RP1L1: variants seen among roughly 807,000 people sequenced by gnomAD.
RP1L1 encodes the protein RP1 like 1.
A neutral mutation model predicts 15.7 loss-of-function variants in RP1L1; 27 were observed. The observed-to-expected ratio is 1.72, with a 90% confidence interval of 1.27 to 2.38. RP1L1 has a LOEUF of 2.38. RP1L1 is among the 30% of genes most tolerant of loss of function. The pLI is 0.00. For synonymous variants in RP1L1, 1,813 were observed against 1,276.7 expected (o/e 1.42, Z -8.96); for missense variants, 4,798 against 3,075.9 (o/e 1.56, Z -13.24).
In RP1L1 at chr8:10,613,143, C is replaced by T. The variant is rs766702464; in HGVS notation, c.955G>A (p.Gly319Ser). 1.6e-5 allele frequency: 26 copies of T among 1,613,748 alleles called. No homozygotes were observed. The highest frequency in any genetic ancestry group is 6.7e-5 in the Admixed American group (4 of 60,014). The change falls in exon 4 of 4, where the codon GGC becomes AGC. Residue 319 changes from glycine to serine, a missense_variant. By Grantham distance (56) the Gly-to-Ser change is moderately conservative (BLOSUM62 0). Coordinates refer to ENST00000382483, the MANE Select transcript of RP1L1 (RefSeq NM_178857.6). ...ACTTTCATCTCCACGGACAGGCTGCCGTCCTCATTCATGCGGACCTTCTTC... is the reference window on the plus strand; with the variant it reads ...ACTTTCATCTCCACGGACAGGCTGCTGTCCTCATTCATGCGGACCTTCTTC... ...MKKKVRMNED[G>S]SLSVEMKVRF...
Position 10,606,803 on chromosome 8 carries a change from T to A in RP1L1, c.*92A>T, listed in dbSNP as rs993260517. The A allele has an allele frequency of 6.3e-7, 1 of 1,593,036 alleles. No homozygotes were observed. The highest frequency in any genetic ancestry group is 2.2e-5 in the East Asian group (1 of 44,756). ...TCTTTGTCCATGTACTATGGACATCTCCAGTGGACTGAACGTTGCTCAGTT... is the reference window on the plus strand; with the variant it reads ...TCTTTGTCCATGTACTATGGACATCACCAGTGGACTGAACGTTGCTCAGTT... On this transcript the variant is annotated 3_prime_UTR_variant, in exon 4 of 4. Transcript: ENST00000382483.
chr8:10,631,361 A>G (rs1221477197), intron 1 of RP1L1, among the ~76,000 whole-genome samples: 32 of 36,322 alleles, frequency 8.8e-4, no homozygotes, highest in Middle Eastern at 0.019. Flanking sequence ...ACATGCACAC[A>G]AACACACATG....
Position 10,609,710 on chromosome 8 carries a change from C to T in RP1L1, c.4388G>A (p.Ser1463Asn). 1 of 1,613,240 alleles carries T rather than the reference C, an allele frequency of 6.2e-7. No homozygotes were observed. The highest frequency in any genetic ancestry group is 8.5e-7 in the Non-Finnish European group (1 of 1,179,692). Reference protein sequence around the residue: ...PPSHLSETDPSASERQSGSQL... With the variant: ...PPSHLSETDPNASERQSGSQL... ...GGAGCCACTCTGCCTCTCGCTGGCACTTGGGTCCGTCTCGCTGAGATGACT... is the reference window on the plus strand; with the variant it reads ...GGAGCCACTCTGCCTCTCGCTGGCATTTGGGTCCGTCTCGCTGAGATGACT... The change falls in exon 4 of 4, where the codon AGT becomes AAT. Residue 1463 changes from serine to asparagine, a missense_variant. Physicochemically the swap from Ser to Asn is conservative, Grantham distance 46 (BLOSUM62 1). Coordinates refer to ENST00000382483, the MANE Select transcript of RP1L1 (RefSeq NM_178857.6).
intron 2 of RP1L1, among the ~76,000 whole-genome samples, chr8:10,617,399 C>CAAAAAAAAAAAAAA (rs369885056): frequency 2.4e-5 from 2 of 83,000 alleles, no homozygotes; most frequent in Non-Finnish European, 5.0e-5. Context: ...TGCTCATTAA[C>CAAAAAAAAAAAAAA]AAAAAAAAAA....
Position 10,623,211 on chromosome 8 carries a change from G to A in RP1L1, c.-10C>T, listed in dbSNP as rs537133524. 6 of 1,537,364 alleles carry A rather than the reference G, an allele frequency of 3.9e-6. No individual in the cohort carries two copies. In the African/African-American group the frequency reaches 4.1e-5, roughly 11 times the overall value. ...TGGGGGTGCTGTTCATGGTGTGGGGGCTCTGGCCGCTGTAACAGGGCAGAG... is the reference window on the plus strand; with the variant it reads ...TGGGGGTGCTGTTCATGGTGTGGGGACTCTGGCCGCTGTAACAGGGCAGAG... On this transcript the variant is annotated 5_prime_UTR_variant, in exon 2 of 4. Coordinates refer to ENST00000382483, the MANE Select transcript of RP1L1 (RefSeq NM_178857.6).
chr8:10,645,846 C>T (rs1016635947), intron 1 of RP1L1, among the ~76,000 whole-genome samples: 7 of 151,904 alleles, frequency 4.6e-5, no homozygotes, highest in Admixed American at 3.9e-4. Context: ...AACCCTGCAC[C>T]AGGCTCCACA....
intron 3 of RP1L1, among the ~76,000 whole-genome samples, chr8:10,615,968 G>A (rs749249034): frequency 1.3e-5 from 2 of 151,974 alleles, no homozygotes; most frequent in Non-Finnish European, 2.9e-5. Context: ...GAAGTGGTGC[G>A]ATCACGGCTC....
Position 10,613,174 on chromosome 8 carries a change from G to T in RP1L1, c.924C>A (p.Asp308Glu), listed in dbSNP as rs769476032. 6.2e-7 allele frequency: 1 copy of T among 1,613,688 alleles called. No homozygotes were observed. The highest frequency in any genetic ancestry group is 1.7e-5 in the Admixed American group (1 of 60,028). ...AQSGPLVAGD[D>E]MKKKVRMNED... ...CATTCATGCGGACCTTCTTCTTCAT[G>T]TCATCGCCAGCCACCAGCGGGCCCG... Residue 308 changes from aspartate (D) to glutamate (E), a missense_variant, in exon 4 of 4, where the codon GAC becomes GAA. By Grantham distance (45) the Asp-to-Glu change is conservative (BLOSUM62 2). Transcript: ENST00000382483.
In RP1L1 at chr8:10,623,133, G is replaced by A. The variant is rs544843021; in HGVS notation, c.69C>T (p.Arg23=). The A allele has an allele frequency of 2.2e-5, 35 of 1,608,966 alleles. No homozygotes were observed. The East Asian group carries it at 3.3e-4, about 15-fold the overall frequency. The change falls in exon 2 of 4, where the codon CGC becomes CGT. Residue 23 remains arginine, a synonymous_variant. Transcript: ENST00000382483. ...HRECFLPSVA[R]TPSVTKVTPA... ...GCGTGACCTTGGTGACCGAGGGGGT[G>A]CGAGCCACAGAGGGCAGGAAGCACT... is the stretch of plus-strand genomic sequence containing the variant.
rs755119956 is a variant in RP1L1 at position 10,607,269 on chromosome 8, G to A, written c.6829C>T (p.Pro2277Ser). 4.3e-5 allele frequency: 70 copies of A among 1,614,098 alleles called. No homozygotes were observed. Among genetic ancestry groups the A allele is most frequent in the Non-Finnish European group, 5.9e-5 (70 of 1,180,042 alleles). ...ESSSPVPEDR[P>S]TPPPSPGGDT... ...CCACCTGGGGAAGGGGGTGGAGTGG[G>A]CCTGTCCTCAGGGACTGGGCTGCTG... Residue 2277 changes from proline to serine, a missense_variant, in exon 4 of 4, where the codon CCC (proline) becomes TCC (serine). Transcript: ENST00000382483.
intron 1 of RP1L1, among the ~76,000 whole-genome samples, chr8:10,635,371 C>T (rs1305845737): frequency 6.6e-6 from 1 of 152,236 alleles, no homozygotes; most frequent in Non-Finnish European, 1.5e-5. Context: ...CTTCACCCTA[C>T]CATGCCGGGT....
Position 10,612,337 on chromosome 8 carries a change from G to A in RP1L1, c.1761C>T (p.Asp587=), listed in dbSNP as rs764749005. Residue 587 remains aspartate (D), a synonymous_variant, in exon 4 of 4, where the codon GAC becomes GAT. Coordinates refer to ENST00000382483, the MANE Select transcript of RP1L1 (RefSeq NM_178857.6). ...GTCCTTGCGTCTCTGCCTGCAGGTC[G>A]TCACTCCTTAAAGATGAAAGACTCA... The part of the protein sequence containing the change: ...PALSLSSLRS[D]DLQAETQGQG... 25 of 1,613,014 alleles carry A rather than the reference G, an allele frequency of 1.5e-5. No individual in the cohort carries two copies. Among genetic ancestry groups the A allele is most frequent in the Middle Eastern group, 1.6e-4 (1 of 6,084 alleles).
chr8:10,640,902 C>A (rs1240495445), intron 1 of RP1L1, among the ~76,000 whole-genome samples: 1 of 152,014 alleles, frequency 6.6e-6, no homozygotes, highest in African/African-American at 2.4e-5. Flanking sequence ...TGCTGAATAA[C>A]TGGGACTATA....
Position 10,608,499 on chromosome 8 carries a change from C to T in RP1L1, c.5599G>A (p.Ala1867Thr), listed in dbSNP as rs1388614502. The T allele has an allele frequency of 7.6e-7, 1 of 1,312,754 alleles. No homozygotes were observed. The highest frequency in any genetic ancestry group is 1.1e-6 in the Non-Finnish European group (1 of 928,302). 81.3% of individuals were successfully genotyped at this position (1,312,754 alleles called of 1,614,324 possible). A position where few individuals can be genotyped will look rare whatever the true frequency, so the allele number is the denominator to read the frequency against. Residue 1867 changes from alanine to threonine, a missense_variant, in exon 4 of 4, where the codon GCC becomes ACC. Physicochemically the swap from Ala to Thr is moderately conservative, Grantham distance 58. Coordinates refer to ENST00000382483, the MANE Select transcript of RP1L1 (RefSeq NM_178857.6). ...TCTACATCTTCTGACTCTGGCTGGG[C>T]CTCCCCTTCAGCCTCCTGGGCATCC... ...EGDAQEAEGEAQPESEDVEAP... is the reference protein window; with the variant it reads ...EGDAQEAEGETQPESEDVEAP...
Position 10,612,328 on chromosome 8 carries a change from C to T in RP1L1, c.1770G>A (p.Gln590=), listed in dbSNP as rs1199361578. 4 of 1,613,260 alleles carry T rather than the reference C, an allele frequency of 2.5e-6. No homozygotes were observed. Among genetic ancestry groups the T allele is most frequent in the Non-Finnish European group, 3.4e-6 (4 of 1,180,038 alleles). Residue 590 remains glutamine, a synonymous_variant, in exon 4 of 4, where the codon CAG becomes CAA. Coordinates refer to ENST00000382483, the MANE Select transcript of RP1L1 (RefSeq NM_178857.6). ...CGGTGCCCTGTCCTTGCGTCTCTGC[C>T]TGCAGGTCGTCACTCCTTAAAGATG... ...SLSSLRSDDL[Q]AETQGQGTEQ... is the part of the protein sequence containing the mutation.
intron 1 of RP1L1, among the ~76,000 whole-genome samples, chr8:10,635,905 G>A (rs952523035): frequency 1.3e-5 from 2 of 152,246 alleles, no homozygotes; most frequent in African/African-American, 2.4e-5. Context: ...GATCCCCCGG[G>A]TCAGTCTATA....
At chr8:10,648,346 T>TTTTG (rs779199024) in intron 1 of RP1L1, among the ~76,000 whole-genome samples, 7 of 152,068 alleles carry the variant, frequency 4.6e-5, no homozygotes, top group Non-Finnish European at 8.8e-5. Context: ...TTCTGGGTTT[T>TTTTG]TTTGTTTGTT....
At chr8:10,637,852 T>A (rs564035961) in intron 1 of RP1L1, among the ~76,000 whole-genome samples, 3 of 152,140 alleles carry the variant, frequency 2.0e-5, no homozygotes, top group Non-Finnish European at 4.4e-5. Context: ...TGCTCAGAGA[T>A]CTGAAAGGAA....
intron 1 of RP1L1, among the ~76,000 whole-genome samples, chr8:10,650,163 C>T (rs1158193839): frequency 6.6e-6 from 1 of 152,196 alleles, no homozygotes; most frequent in Non-Finnish European, 1.5e-5. Context: ...GCTGCAACCA[C>T]CACGTGATCA....
Sources: gnomAD v4.1 joint callset for allele counts (sites outside exome capture counted in the v4.1 genomes callset) on GRCh38, gnomAD v4.1.1 for gene constraint, MANE v1.5 for transcripts, NCBI Gene and HGNC (gene_info 2026-07-23, HGNC 2026-07-21) for gene names.